LTBP1: variants seen among roughly 807,000 people sequenced by gnomAD.
The protein encoded by LTBP1 is latent transforming growth factor beta binding protein 1, also known as latent-transforming growth factor beta-binding protein 1.
Under a neutral mutation model 207.6 loss-of-function variants are expected in LTBP1, and 129 were observed. That is an observed-to-expected ratio of 0.62 (90% confidence interval 0.54 to 0.72). LTBP1 has a LOEUF of 0.72. Among genes scored for constraint, LTBP1 ranks in the 30% least tolerant of loss-of-function variants. The pLI, the probability that LTBP1 is intolerant of heterozygous loss-of-function variation, is 0.00. For missense variants in LTBP1, 2,281 were observed against 2,217.2 expected (o/e 1.03, Z -0.58); for synonymous variants, 963 against 833.7 (o/e 1.16, Z -2.67).
intron 3 of LTBP1, among the ~76,000 whole-genome samples, chr2:33,050,682 G>C (rs1159842068): frequency 1.3e-5 from 2 of 151,996 alleles, no homozygotes; most frequent in East Asian, 3.9e-4. Flanking sequence ...TTTGGGTTCA[G>C]GTTTCCTCTT....
intron 3 of LTBP1, among the ~76,000 whole-genome samples, chr2:33,023,120 C>A (rs1361633262): frequency 6.6e-6 from 1 of 152,130 alleles, no homozygotes; most frequent in East Asian, 1.9e-4. Flanking sequence ...CATCTCCCTT[C>A]CAACATTGTT....
chr2:33,277,831 T>TTC (rs1257869846), intron 18 of LTBP1, among the ~76,000 whole-genome samples: 2 of 40,038 alleles, frequency 5.0e-5, no homozygotes, highest in African/African-American at 3.2e-4. Context: ...CTTTCTTTCT[T>TTC]TTTTTTTTTT....
At chr2:33,026,711 G>C (rs1481839425) in intron 3 of LTBP1, among the ~76,000 whole-genome samples, 1 of 152,124 alleles carries the variant, frequency 6.6e-6, no homozygotes, top group Non-Finnish European at 1.5e-5. Context: ...TGACACCTGG[G>C]GAATGGGATG....
chr2:33,340,136 T>C (rs2094599882), intron 24 of LTBP1, among the ~76,000 whole-genome samples: 1 of 151,774 alleles, frequency 6.6e-6, no homozygotes, highest in Non-Finnish European at 1.5e-5. Flanking sequence ...CGAGCGCCTG[T>C]AGTCCCAGCT....
intron 7 of LTBP1, among the ~76,000 whole-genome samples, chr2:33,194,861 G>T (rs1316685353): frequency 1.3e-5 from 2 of 152,202 alleles, no homozygotes; most frequent in African/African-American, 2.4e-5. Flanking sequence ...CTTGTTAAGG[G>T]CTAATGCAGC....
intron 3 of LTBP1, among the ~76,000 whole-genome samples, chr2:33,033,032 A>G (rs901838154): frequency 6.6e-6 from 1 of 152,236 alleles, no homozygotes; most frequent in Non-Finnish European, 1.5e-5. Context: ...CAAGGATTTG[A>G]TCAAGCTCCA....
At chr2:33,374,317 A>G (rs1366514390) in intron 31 of LTBP1, among the ~76,000 whole-genome samples, 3 of 152,190 alleles carry the variant, frequency 2.0e-5, no homozygotes, top group African/African-American at 7.2e-5. Flanking sequence ...GCTCTGTGAC[A>G]TTGCACTGGG....
chr2:33,184,408 A>G (rs1019535713), intron 5 of LTBP1, among the ~76,000 whole-genome samples: 1 of 151,898 alleles, frequency 6.6e-6, no homozygotes, highest in African/African-American at 2.4e-5. Context: ...TTTCAGCAAC[A>G]TAGGTTTACT....
Position 33,098,859 on chromosome 2 carries a change from A to G in LTBP1, c.864-11723A>G, listed in dbSNP as rs117696740. ...AGCCTCAGAGCAAGGCTCTCCTGGT[A>G]TATATGGGAACTGTAGAGGCACTAC... On this transcript the variant is annotated intron_variant, in intron 3 of 33. Transcript: ENST00000404816. Among the ~76,000 whole-genome samples the G allele has an allele frequency of 9.1e-4, 139 of 152,346 alleles. No homozygotes were observed. In the East Asian group the frequency reaches 0.02, roughly 22 times the overall value.
intron 3 of LTBP1, among the ~76,000 whole-genome samples, chr2:33,081,388 T>A (rs1359989900): frequency 1.3e-5 from 2 of 152,066 alleles, no homozygotes; most frequent in Non-Finnish European, 2.9e-5. Flanking sequence ...TGTGCCCACA[T>A]GTATGGACAC....
At chr2:33,090,151 AG>A (rs2078994514) in intron 3 of LTBP1, among the ~76,000 whole-genome samples, 2 of 152,134 alleles carry the variant, frequency 1.3e-5, no homozygotes, top group Admixed American at 1.3e-4. Flanking sequence ...TTGGAAAATT[AG>A]GGTAATTCCA....
intron 18 of LTBP1, among the ~76,000 whole-genome samples, chr2:33,278,505 A>C (rs72859503): frequency 6.6e-6 from 1 of 152,194 alleles, no homozygotes; most frequent in African/African-American, 2.4e-5. Flanking sequence ...CAAGGAGTCT[A>C]TTGTAGTTTA....
At chr2:32,981,694 A>G (rs944138623) in intron 2 of LTBP1, among the ~76,000 whole-genome samples, 1 of 152,162 alleles carries the variant, frequency 6.6e-6, no homozygotes, top group Non-Finnish European at 1.5e-5. Flanking sequence ...GTGTCATGAG[A>G]GGGACCTGGT....
intron 3 of LTBP1, among the ~76,000 whole-genome samples, chr2:33,025,795 G>A (rs1360969011): frequency 6.6e-6 from 1 of 152,130 alleles, no homozygotes; most frequent in African/African-American, 2.4e-5. Context: ...GCTTGAGGTG[G>A]TAATTATTGA....
intron 2 of LTBP1, among the ~76,000 whole-genome samples, chr2:32,973,310 A>G (rs924443871): frequency 2.0e-5 from 3 of 152,106 alleles, no homozygotes; most frequent in Non-Finnish European, 4.4e-5. Flanking sequence ...TGTTTTATGA[A>G]TCTGGGTGCT....
chr2:33,034,551 C>T (rs1478193284), intron 3 of LTBP1, among the ~76,000 whole-genome samples: 2 of 151,948 alleles, frequency 1.3e-5, no homozygotes, highest in Non-Finnish European at 2.9e-5. Context: ...TGATGACAGG[C>T]CTGGAAGCAT....
At chr2:33,030,527 G>A (rs537351273) in intron 3 of LTBP1, among the ~76,000 whole-genome samples, 5 of 152,160 alleles carry the variant, frequency 3.3e-5, no homozygotes, top group East Asian at 1.9e-4. Flanking sequence ...TTGCTTTAAC[G>A]TCTTGAAAGG....
intron 1 of LTBP1, among the ~76,000 whole-genome samples, chr2:32,948,398 C>T (rs7594155): frequency 0.14 from 20,918 of 152,018 alleles, 1,511 homozygotes; most frequent in Middle Eastern, 0.2. Flanking sequence ...GCTCATAGTG[C>T]CTTCCCGTTG....
intron 3 of LTBP1, among the ~76,000 whole-genome samples, chr2:33,072,174 G>C (rs752164299): frequency 4.6e-5 from 7 of 152,174 alleles, no homozygotes; most frequent in Non-Finnish European, 1.0e-4. Flanking sequence ...GGAAACACAG[G>C]TTTACCAGTT....
Sources: allele counts gnomAD v4.1 joint callset (sites outside exome capture counted in the v4.1 genomes callset), GRCh38; gene constraint gnomAD v4.1.1; transcripts MANE v1.5; gene names NCBI Gene and HGNC (gene_info 2026-07-23, HGNC 2026-07-21).